The following ATP6V0A4 variants were observed in gnomAD, a reference collection of about 807,000 sequenced individuals.
The protein encoded by ATP6V0A4 is ATPase H+ transporting V0 subunit a4.
A neutral mutation model predicts 107.3 loss-of-function variants in ATP6V0A4; 86 were observed. The observed-to-expected ratio is 0.80, with a 90% confidence interval of 0.67 to 0.96. The LOEUF (loss-of-function observed/expected upper bound fraction) is 0.96, where lower values mean the gene tolerates loss of function less well. Among genes scored for constraint, ATP6V0A4 ranks in the 40% least tolerant of loss-of-function variants. ATP6V0A4 has a pLI of 0.00. For missense variants in ATP6V0A4, 908 were observed against 1,045.6 expected (o/e 0.87, Z 1.81); for synonymous variants, 353 against 381.4 (o/e 0.93, Z 0.87).
chr7:138,763,176 GACACACACAGACACAC>G, intron 5 of ATP6V0A4, 151 bp from the exon 6 acceptor site: 7 of 815,206 alleles, frequency 8.6e-6, no homozygotes, highest in Non-Finnish European at 1.2e-5. Flanking sequence ...GACACACACA[GACACACACAGACACAC>G]ACACACACAC....
intron 2 of ATP6V0A4, among the ~76,000 whole-genome samples, chr7:138,780,670 C>A (rs1327700377): frequency 6.6e-6 from 1 of 152,112 alleles, no homozygotes; most frequent in African/African-American, 2.4e-5. Context: ...GCCCATTAGG[C>A]AATGTCAGGG....
chr7:138,708,535 C>T (rs1803570360), intron 21 of ATP6V0A4, among the ~76,000 whole-genome samples: 1 of 152,136 alleles, frequency 6.6e-6, no homozygotes, highest in African/African-American at 2.4e-5. Flanking sequence ...ACAGTCTCTG[C>T]AGCTGAAGGG....
intron 2 of ATP6V0A4, among the ~76,000 whole-genome samples, chr7:138,774,287 T>C (rs1299084553): frequency 6.6e-6 from 1 of 151,830 alleles, no homozygotes; most frequent in African/African-American, 2.4e-5. Context: ...CTTTGAAAAA[T>C]AATTTTGGGG....
intron 10 of ATP6V0A4, among the ~76,000 whole-genome samples, chr7:138,754,063 T>A (rs1806380323): frequency 6.6e-6 from 1 of 152,026 alleles, no homozygotes; most frequent in Non-Finnish European, 1.5e-5. Flanking sequence ...TTTCATAAAA[T>A]CAAGCATGGA....
intron 1 of ATP6V0A4, among the ~76,000 whole-genome samples, chr7:138,787,376 G>A (rs1465314874): frequency 6.6e-6 from 1 of 152,122 alleles, no homozygotes; most frequent in Non-Finnish European, 1.5e-5. Context: ...TCGACACCAA[G>A]GTTACATGAC....
chr7:138,730,931 C>CTTTTTTTTTTTTTTTTTTTTTTTTTTTT (rs66521953), intron 17 of ATP6V0A4, among the ~76,000 whole-genome samples: 1 of 123,758 alleles, frequency 8.1e-6, no homozygotes. Flanking sequence ...TCTTCTTCTT[C>CTTTTTTTTTTTTTTTTTTTTTTTTTTTT]TTTTTTTATT....
At chr7:138,738,661 C>T (rs1805466163) in intron 15 of ATP6V0A4, among the ~76,000 whole-genome samples, 1 of 152,102 alleles carries the variant, frequency 6.6e-6, no homozygotes, top group African/African-American at 2.4e-5. Context: ...GGGCAAAATT[C>T]ATGTTTTTAT....
At position 138,747,341 on chromosome 7, in the gene ATP6V0A4, A is replaced by G. The variant is rs1186895290; in HGVS notation, c.1320+84T>C. The G allele has an allele frequency of 3.3e-6, 5 of 1,518,902 alleles. No homozygotes were observed. In the African/African-American group the frequency reaches 5.5e-5, roughly 17 times the overall value. 94.1% of individuals were successfully genotyped at this position (1,518,902 alleles called of 1,614,324 possible). Reference sequence around the variant, plus strand: ...CTTCTCTCCTTTATTTTTCATAAAAATGTGTTATTTCTATGGTGAAAACCA... The same window carrying G: ...CTTCTCTCCTTTATTTTTCATAAAAGTGTGTTATTTCTATGGTGAAAACCA... On this transcript the variant is annotated intron_variant, in intron 13 of 21. Coordinates refer to ENST00000310018, the MANE Select transcript of ATP6V0A4 (RefSeq NM_020632.3).
intron 1 of ATP6V0A4, among the ~76,000 whole-genome samples, chr7:138,797,631 G>T (rs990583578): frequency 2.0e-5 from 3 of 152,056 alleles, no homozygotes; most frequent in Non-Finnish European, 4.4e-5. Context: ...GGGGTTGAAT[G>T]ATGCGTGTTT....
At chr7:138,797,953 T>C in intron 1 of ATP6V0A4, 81 bp downstream of exon 1, 1 of 1,533,924 alleles carries the variant, frequency 6.5e-7, no homozygotes, top group Non-Finnish European at 8.8e-7. Flanking sequence ...CTCCACCCCA[T>C]GGTGTTTCCC....
chr7:138,786,020 T>C (rs893613353), intron 2 of ATP6V0A4, 138 bp downstream of exon 2: 1 of 152,436 alleles, frequency 6.6e-6, no homozygotes, highest in African/African-American at 2.4e-5. Context: ...GCCCTCCCAG[T>C]GGCTCTCAGA....
In ATP6V0A4 at chr7:138,732,892, G is replaced by T. The variant is rs143558330; in HGVS notation, c.1893C>A (p.Pro631=). The T allele has an allele frequency of 9.7e-5, 156 of 1,612,414 alleles. No homozygotes were observed. In the East Asian group the frequency reaches 1.5e-3, roughly 16 times the overall value. ...LFNYSDSSNA[P]LYKHQQEVQS... The stretch of plus-strand genomic sequence containing the variant: ...GCAGAAATACCTGATGTTTGTAGAG[G>T]GGTGCGTTGGAAGAGTCACTGTAGT... Residue 631 remains proline (P), a synonymous_variant, in exon 17 of 22, where the codon CCC becomes CCA. Coordinates refer to ENST00000310018, the MANE Select transcript of ATP6V0A4 (RefSeq NM_020632.3).
intron 10 of ATP6V0A4, 137 bp downstream of exon 10, chr7:138,755,552 G>T: frequency 1.7e-6 from 2 of 1,192,130 alleles, no homozygotes; most frequent in Non-Finnish European, 2.4e-6. Context: ...ATCTTCCACA[G>T]CCACAACCAG....
chr7:138,778,742 G>A (rs1033904413), intron 2 of ATP6V0A4, among the ~76,000 whole-genome samples: 3 of 151,974 alleles, frequency 2.0e-5, no homozygotes, highest in African/African-American at 7.3e-5. Context: ...GCCCAAGTGG[G>A]GAGCCTAGAC....
intron 19 of ATP6V0A4, among the ~76,000 whole-genome samples, chr7:138,718,469 G>T (rs1419873107): frequency 1.2e-5 from 1 of 80,658 alleles, no homozygotes; most frequent in Non-Finnish European, 2.4e-5. Context: ...GAATGGGGGG[G>T]ATGGCGGGGA....
chr7:138,767,922 GT>G (rs934110296), intron 5 of ATP6V0A4, among the ~76,000 whole-genome samples: 2 of 151,882 alleles, frequency 1.3e-5, no homozygotes, highest in Non-Finnish European at 2.9e-5. Context: ...GTATTCAGTG[GT>G]TTTTTTGTTT....
chr7:138,723,403 G>T (rs1465333552), intron 18 of ATP6V0A4, among the ~76,000 whole-genome samples: 1 of 152,006 alleles, frequency 6.6e-6, no homozygotes, highest in Non-Finnish European at 1.5e-5. Context: ...AGTGTGAATG[G>T]TATATTTCTT....
intron 18 of ATP6V0A4, among the ~76,000 whole-genome samples, chr7:138,725,604 T>G (rs1460215745): frequency 6.6e-6 from 1 of 151,926 alleles, no homozygotes; most frequent in Non-Finnish European, 1.5e-5. Flanking sequence ...TCTCCACCTC[T>G]CAGGTTCAAG....
At chr7:138,769,537 G>T (rs1807273867) in intron 3 of ATP6V0A4, among the ~76,000 whole-genome samples, 1 of 151,936 alleles carries the variant, frequency 6.6e-6, no homozygotes. Flanking sequence ...CTGGCCTCAA[G>T]CTCCTGACCT....
Sources: allele counts gnomAD v4.1 joint callset (sites outside exome capture counted in the v4.1 genomes callset), GRCh38; gene constraint gnomAD v4.1.1; transcripts MANE v1.5; gene names NCBI Gene and HGNC (gene_info 2026-07-23, HGNC 2026-07-21).